ASPRV1: variants seen among roughly 807,000 people sequenced by gnomAD.
ASPRV1 encodes aspartic peptidase retroviral like 1.
In ASPRV1, 7 loss-of-function variants were observed where a neutral mutation model predicts 11.0. That is an observed-to-expected ratio of 0.64 (90% CI 0.36 to 1.20). The LOEUF (loss-of-function observed/expected upper bound fraction) is 1.20, where lower values mean the gene tolerates loss of function less well. Among genes scored for constraint, ASPRV1 ranks in the 50% most tolerant of loss-of-function variants. ASPRV1 has a pLI of 0.02. For synonymous variants in ASPRV1, 136 were observed against 138.4 expected, an observed-to-expected ratio of 0.98 and a Z score of 0.12; for missense variants, 299 against 320.0, an observed-to-expected ratio of 0.93 and a Z score of 0.50.
At chr2:69,987,877 C>T in the ASPRV1 span, among the ~76,000 whole-genome samples, 43 of 152,186 alleles carry the variant, frequency 2.8e-4, no homozygotes, top group African/African-American at 1.0e-3. Flanking sequence ...TAGGAGAGTG[C>T]CCAGGTACAG....
At chr2:69,987,351 G>A in the ASPRV1 span, among the ~76,000 whole-genome samples, 1 of 151,924 alleles carries the variant, frequency 6.6e-6, no homozygotes, top group Non-Finnish European at 1.5e-5. Context: ...AGGATCACAG[G>A]AAACCCACGG....
chr2:70,046,373 G>A, the ASPRV1 span: 1 of 152,178 alleles, frequency 6.6e-6, no homozygotes, highest in Non-Finnish European at 1.5e-5. Flanking sequence ...ACAGGTGGTA[G>A]AATGGACCTA....
the ASPRV1 span, among the ~76,000 whole-genome samples, chr2:70,060,340 C>CAAAAAAAAAAAAAA: frequency 1.9e-5 from 1 of 52,730 alleles, no homozygotes. Context: ...GACTCCATCT[C>CAAAAAAAAAAAAAA]AAAAAAAAAA....
the ASPRV1 span, among the ~76,000 whole-genome samples, chr2:70,052,258 T>G: frequency 6.6e-6 from 1 of 152,128 alleles, no homozygotes; most frequent in Non-Finnish European, 1.5e-5. Flanking sequence ...ATAAAATAAA[T>G]GGATTAAATA....
At chr2:69,945,362 AAGGGTCCCACAGGC>A in the ASPRV1 span, among the ~76,000 whole-genome samples, 1 of 152,262 alleles carries the variant, frequency 6.6e-6, no homozygotes, top group African/African-American at 2.4e-5. Flanking sequence ...TCCAGTGGCC[AAGGGTCCCACAGGC>A]AGGGTCTCTG....
chr2:69,937,144 C>T, the ASPRV1 span: 195 of 1,521,714 alleles, frequency 1.3e-4, 1 homozygote, highest in Middle Eastern at 3.4e-4. Flanking sequence ...GGAAGTGTGG[C>T]GCATTCCACT....
chr2:70,061,569 G>T, the ASPRV1 span, among the ~76,000 whole-genome samples: 1 of 152,100 alleles, frequency 6.6e-6, no homozygotes, highest in African/African-American at 2.4e-5. Flanking sequence ...AGGGAAGAAG[G>T]GGCCTGGGAT....
At chr2:70,062,936 T>C in the ASPRV1 span, among the ~76,000 whole-genome samples, 1 of 152,156 alleles carries the variant, frequency 6.6e-6, no homozygotes, top group African/African-American at 2.4e-5. Context: ...GGGAAATCAC[T>C]AACAATAGTC....
At chr2:70,045,654 G>C in the ASPRV1 span, 4 of 152,154 alleles carry the variant, frequency 2.6e-5, no homozygotes, top group African/African-American at 9.7e-5. Context: ...GGGGGCGGGC[G>C]GTTTCTGCAT....
At chr2:70,063,410 TCA>T in the ASPRV1 span, among the ~76,000 whole-genome samples, 2 of 152,228 alleles carry the variant, frequency 1.3e-5, no homozygotes, top group East Asian at 3.9e-4. Flanking sequence ...TCCCCAAAAT[TCA>T]GAGAGAAATT....
the ASPRV1 span, among the ~76,000 whole-genome samples, chr2:69,949,294 T>C: frequency 2.0e-5 from 3 of 150,836 alleles, no homozygotes; most frequent in Admixed American, 6.7e-5. Flanking sequence ...AATGAACGAA[T>C]GAACGAACGA....
chr2:70,033,248 C>T, the ASPRV1 span, among the ~76,000 whole-genome samples: 2 of 150,534 alleles, frequency 1.3e-5, no homozygotes, highest in Non-Finnish European at 2.9e-5. Context: ...GGACTCAGTC[C>T]CCCTTTTCCA....
At chr2:70,051,680 A>G in the ASPRV1 span, among the ~76,000 whole-genome samples, 1 of 152,198 alleles carries the variant, frequency 6.6e-6, no homozygotes, top group East Asian at 1.9e-4. Flanking sequence ...GAGCATGGAT[A>G]AAAGAAAAAA....
At chr2:70,063,860 A>C in the ASPRV1 span, 1 of 152,220 alleles carries the variant, frequency 6.6e-6, no homozygotes, top group Admixed American at 6.5e-5. Context: ...TTATGACTCT[A>C]ATCCTGAATT....
the ASPRV1 span, among the ~76,000 whole-genome samples, chr2:70,008,050 G>A: frequency 1.3e-5 from 2 of 152,154 alleles, no homozygotes; most frequent in East Asian, 3.9e-4. Context: ...TGGCCAGGCT[G>A]GTCTTGAACT....
At chr2:69,980,165 C>G in the ASPRV1 span, among the ~76,000 whole-genome samples, 1 of 152,144 alleles carries the variant, frequency 6.6e-6, no homozygotes, top group Non-Finnish European at 1.5e-5. Flanking sequence ...GGATGCAGCA[C>G]CAGTCACAGC....
the ASPRV1 span, among the ~76,000 whole-genome samples, chr2:70,055,417 T>C: frequency 6.6e-6 from 1 of 151,910 alleles, no homozygotes; most frequent in Admixed American, 6.6e-5. Context: ...ATAAAGAAAA[T>C]ATGGTACATA....
the ASPRV1 span, among the ~76,000 whole-genome samples, chr2:70,017,450 G>C: frequency 6.6e-6 from 1 of 151,612 alleles, no homozygotes; most frequent in South Asian, 2.1e-4. Flanking sequence ...AGTGAAAATT[G>C]AAAGTTTTTT....
chr2:70,073,243 G>A, the ASPRV1 span: 1 of 152,210 alleles, frequency 6.6e-6, no homozygotes, highest in South Asian at 2.1e-4. Flanking sequence ...CAAGGAGACT[G>A]CATAAAATTA....
Sources: allele counts gnomAD v4.1 joint callset (sites outside exome capture counted in the v4.1 genomes callset), GRCh38; gene constraint gnomAD v4.1.1; transcripts MANE v1.5; gene names NCBI Gene and HGNC (gene_info 2026-07-23, HGNC 2026-07-21).